The following SLC41A3 variants were observed in gnomAD, a reference collection of about 807,000 sequenced individuals.
The protein encoded by SLC41A3 is SLC41A1-like 2.
In SLC41A3, 44 loss-of-function variants were observed where a neutral mutation model predicts 45.4. The ratio of observed to expected loss-of-function variants is 0.97; its 90% CI spans 0.76 to 1.25. The LOEUF (loss-of-function observed/expected upper bound fraction) is 1.25. Among genes scored for constraint, SLC41A3 ranks in the 50% most tolerant of loss-of-function variants. The probability of loss-of-function intolerance (pLI) is 0.00; values close to 1 mark genes in which losing one functional copy is unlikely to be tolerated. For missense variants in SLC41A3, 550 were observed against 600.6 expected (o/e 0.92, Z 0.88); for synonymous variants, 256 against 252.4 (o/e 1.01, Z -0.13).
Position 126,026,291 on chromosome 3 carries a change from G to T in SLC41A3, c.598+44C>A. On this transcript the variant is annotated intron_variant, in intron 5 of 10. Coordinates refer to ENST00000360370, the MANE Select transcript of SLC41A3 (RefSeq NM_017836.4). This position sits in a 1 kb window ranked among gnomAD's most constrained non-coding sequence, Gnocchi z 4.2. ...ATGAGCTCTGAGGTGGGACCTCAGA[G>T]GAGCAGGGAGCGGGTGGGGGCTCAC... is the stretch of plus-strand genomic sequence containing the variant. 6.5e-7 allele frequency: 1 copy of T among 1,550,342 alleles called. No homozygotes were observed. The highest frequency in any genetic ancestry group is 1.4e-5 in the African/African-American group (1 of 73,206).
chr3:126,065,991 C>T (rs1041873628), intron 2 of SLC41A3, among the ~76,000 whole-genome samples: 3 of 152,224 alleles, frequency 2.0e-5, no homozygotes, highest in Non-Finnish European at 4.4e-5. Flanking sequence ...GGAAGGCCCC[C>T]GACCCTGCCT....
intron 4 of SLC41A3, among the ~76,000 whole-genome samples, chr3:126,027,971 G>A (rs896513776): frequency 6.6e-6 from 1 of 152,186 alleles, no homozygotes; most frequent in Non-Finnish European, 1.5e-5. Flanking sequence ...TGAACTGGCT[G>A]TTTCTAATAA....
chr3:126,033,137 AAGGAGCAGGCAGAGAGGC>A (rs890270353), intron 4 of SLC41A3, among the ~76,000 whole-genome samples: 1 of 152,160 alleles, frequency 6.6e-6, no homozygotes, highest in African/African-American at 2.4e-5. Context: ...GCAGGCTGAG[AAGGAGCAGGCAGAGAGGC>A]AGGAGCAGAG....
intron 1 of SLC41A3, among the ~76,000 whole-genome samples, chr3:126,075,273 A>C (rs1944826297): frequency 6.6e-6 from 1 of 152,188 alleles, no homozygotes; most frequent in African/African-American, 2.4e-5. Flanking sequence ...CTAATAATGA[A>C]TAATCTAAAA....
intron 6 of SLC41A3, among the ~76,000 whole-genome samples, chr3:126,021,111 G>T (rs916314890): frequency 1.8e-4 from 28 of 152,258 alleles, no homozygotes; most frequent in Middle Eastern, 3.4e-3. Flanking sequence ...AGCCAGGATG[G>T]TCTTGATCTC....
At chr3:126,044,806 G>T (rs1395901005) in intron 3 of SLC41A3, among the ~76,000 whole-genome samples, 1 of 145,232 alleles carries the variant, frequency 6.9e-6, no homozygotes, top group East Asian at 2.0e-4. Flanking sequence ...TGAGGCAGAA[G>T]AATGGCGTGA....
chr3:126,030,269 GATATATA>G (rs1941701123), intron 4 of SLC41A3, among the ~76,000 whole-genome samples: 1 of 139,908 alleles, frequency 7.1e-6, no homozygotes, highest in African/African-American at 2.6e-5. Context: ...TAATATATAT[GATATATA>G]ATATATAATT....
rs115193035 is a variant in SLC41A3, at chr3:126,061,002, C to T, written c.273+6945G>A. 4.4e-3 allele frequency among the ~76,000 whole-genome samples: 671 copies of T among 152,324 alleles called. 5 individuals are homozygous for T. Among genetic ancestry groups the T allele is most frequent in the African/African-American group, 0.015 (613 of 41,578 alleles). On this transcript the variant is annotated intron_variant, in intron 2 of 10. Coordinates refer to ENST00000360370, the MANE Select transcript of SLC41A3 (RefSeq NM_017836.4). ...GAGGACCACTGATCTCTGCCCACCACCTCGTTCTTACTGGGGTGTGTTTTT... is the reference window on the plus strand; with the variant it reads ...GAGGACCACTGATCTCTGCCCACCATCTCGTTCTTACTGGGGTGTGTTTTT...
In SLC41A3 at chr3:126,044,895, C is replaced by CAA. The variant is rs57581225; in HGVS notation, c.381+6046_381+6047dup. Among the ~76,000 whole-genome samples the CAA allele has an allele frequency of 5.0e-4, 41 of 82,722 alleles. 3 individuals carry two copies. Among genetic ancestry groups the CAA allele is most frequent in the African/African-American group, 2.2e-3 (37 of 16,538 alleles). 54.3% of individuals were successfully genotyped at this position (82,722 alleles called of 152,430 possible). A position where few individuals can be genotyped will look rare whatever the true frequency, so the allele number is the denominator to read the frequency against. Reference sequence around the variant, plus strand: ...TGGGCGACAGAGCGAGACTCCATCTCAAAAAAAAAAAAAAAAAAAAAAAAA... The same window carrying CAA: ...TGGGCGACAGAGCGAGACTCCATCTCAAAAAAAAAAAAAAAAAAAAAAAAAAA... On this transcript the variant is annotated intron_variant, in intron 3 of 10. Coordinates refer to ENST00000360370, the MANE Select transcript of SLC41A3 (RefSeq NM_017836.4).
At chr3:126,015,359 G>A (rs997505659) in intron 8 of SLC41A3, 135 bp downstream of exon 8, 98 of 801,590 alleles carry the variant, frequency 1.2e-4, no homozygotes, top group South Asian at 2.5e-4. Flanking sequence ...TAAGGCAGCA[G>A]TCTGTCCACG....
intron 1 of SLC41A3, among the ~76,000 whole-genome samples, chr3:126,099,263 C>T (rs1012298462): frequency 6.6e-6 from 1 of 152,156 alleles, no homozygotes; most frequent in Non-Finnish European, 1.5e-5. Flanking sequence ...CCGGGAGCAA[C>T]TGGAACTTTC....
At chr3:126,033,457 T>C in intron 4 of SLC41A3, 150 bp downstream of exon 4, 1 of 795,322 alleles carries the variant, frequency 1.3e-6, no homozygotes, top group Non-Finnish European at 2.1e-6. Flanking sequence ...GTGAATGTGG[T>C]CTATTGGATG....
chr3:126,099,318 T>C (rs1945664255), intron 1 of SLC41A3, among the ~76,000 whole-genome samples: 1 of 152,228 alleles, frequency 6.6e-6, no homozygotes, highest in African/African-American at 2.4e-5. Context: ...TTTTAAAATT[T>C]CTATTCTTTA....
intron 2 of SLC41A3, 49 bp from the exon 3 acceptor site, chr3:126,051,099 T>G (rs1943304954): frequency 6.7e-7 from 1 of 1,487,818 alleles, no homozygotes; most frequent in African/African-American, 1.4e-5. Flanking sequence ...CATCAGCAAA[T>G]CTCTGGAAAT....
intron 6 of SLC41A3, among the ~76,000 whole-genome samples, chr3:126,021,110 G>A (rs1940834698): frequency 3.3e-5 from 5 of 152,182 alleles, no homozygotes. Context: ...TAGCCAGGAT[G>A]GTCTTGATCT....
chr3:126,026,416 G>T lies in SLC41A3; in HGVS notation c.517C>A (p.Arg173=). 1 of 1,596,588 alleles carries T rather than the reference G, an allele frequency of 6.3e-7. No homozygotes were observed. Among genetic ancestry groups the T allele is most frequent in the East Asian group, 2.3e-5 (1 of 44,162 alleles). ...VAALLLGVVS[R]EEVDVAKVEL... ...ACCTTGGCGACATCCACTTCCTCTC[G>T]AGACACCACGCCCAACAGCAGCGCA... The change falls in exon 5 of 11, where the codon CGA becomes AGA. Residue 173 remains arginine, a synonymous_variant. Transcript: ENST00000360370. The surrounding 1 kb of genome is among the most constrained non-coding windows in gnomAD (Gnocchi z 4.2).
intron 9 of SLC41A3, 85 bp downstream of exon 9, chr3:126,012,530 G>T: frequency 6.4e-7 from 1 of 1,564,204 alleles, no homozygotes; most frequent in Non-Finnish European, 8.7e-7. Context: ...GGCATCCATT[G>T]CTACAAACAC....
intron 2 of SLC41A3, among the ~76,000 whole-genome samples, chr3:126,067,107 C>A (rs1212558765): frequency 7.4e-6 from 1 of 135,684 alleles, no homozygotes; most frequent in African/African-American, 2.8e-5. Context: ...CCCCGCCCCC[C>A]GCCCCGGCCA....
intron 1 of SLC41A3, chr3:126,079,178 A>C (rs1277178800): frequency 6.6e-6 from 1 of 151,236 alleles, no homozygotes; most frequent in Non-Finnish European, 1.5e-5. Flanking sequence ...ATTTGAACCT[A>C]AATCAGGGAT....
Sources: allele counts gnomAD v4.1 joint callset (sites outside exome capture counted in the v4.1 genomes callset), GRCh38; gene constraint gnomAD v4.1.1; non-coding constraint Gnocchi (gnomAD v3.1); transcripts MANE v1.5; gene names NCBI Gene and HGNC (gene_info 2026-07-23, HGNC 2026-07-21).